The following SPAG9 variants were observed in gnomAD, a reference collection of about 807,000 sequenced individuals.
The protein encoded by SPAG9 is C-Jun-amino-terminal kinase-interacting protein 4.
Under a neutral mutation model 166.5 loss-of-function variants are expected in SPAG9, and 35 were observed. That is an observed-to-expected ratio of 0.21 (90% confidence interval 0.16 to 0.28). SPAG9 has a LOEUF of 0.28. Among genes scored for constraint, SPAG9 ranks in the 10% least tolerant of loss-of-function variants. The probability of loss-of-function intolerance (pLI) is 1.00; values close to 1 mark genes in which losing one functional copy is unlikely to be tolerated. For missense variants in SPAG9, 1,235 were observed against 1,603.3 expected (o/e 0.77, Z 3.92); for synonymous variants, 534 against 565.5 (o/e 0.94, Z 0.79).
rs1451045475 is a variant in SPAG9 at position 50,965,641 on chromosome 17, C to T, written c.*631G>A. On this transcript the variant is annotated 3_prime_UTR_variant, in exon 30 of 30. Coordinates refer to ENST00000262013, the MANE Select transcript of SPAG9 (RefSeq NM_001130528.3). ...GCTCTAATAAGTCAGAAACAGGAAA[C>T]GTTTATTTAAATAGTGTAGTCTTAA... The T allele has an allele frequency of 2.0e-5, 3 of 152,114 alleles. No individual in the cohort carries two copies. The highest frequency in any genetic ancestry group is 4.8e-5 in the African/African-American group (2 of 41,404). 9.4% of individuals were successfully genotyped at this position (152,114 alleles called of 1,614,324 possible).
intron 3 of SPAG9, among the ~76,000 whole-genome samples, chr17:51,055,343 A>ACT (rs961292596): frequency 4.0e-5 from 6 of 151,066 alleles, no homozygotes; most frequent in Non-Finnish European, 8.8e-5. Context: ...ACAGAGCAAG[A>ACT]CTCTCTCTCT....
intron 1 of SPAG9, among the ~76,000 whole-genome samples, chr17:51,114,109 T>C (rs185560124): frequency 0.02 from 3,101 of 152,186 alleles, 52 homozygotes; most frequent in Non-Finnish European, 0.033. Flanking sequence ...GGGGATCACC[T>C]GAGGTCAAGA....
At chr17:50,998,838 G>A (rs1369931286) in intron 14 of SPAG9, among the ~76,000 whole-genome samples, 2 of 152,212 alleles carry the variant, frequency 1.3e-5, no homozygotes, top group Admixed American at 6.5e-5. Context: ...AGAATGGCGG[G>A]TGCCTGTTCT....
chr17:50,986,307 T>C (rs1444027999), intron 22 of SPAG9, among the ~76,000 whole-genome samples: 1 of 152,248 alleles, frequency 6.6e-6, no homozygotes, highest in Non-Finnish European at 1.5e-5. Context: ...CATAATGCTC[T>C]ACTGGAAGAG....
At chr17:50,996,732 G>T (rs575170026) in intron 15 of SPAG9, 38 bp from the exon 16 acceptor site, 11 of 1,596,114 alleles carry the variant, frequency 6.9e-6, no homozygotes, top group Non-Finnish European at 9.4e-6. Flanking sequence ...ACATGAATAC[G>T]TTTAATTACG....
chr17:50,971,458 C>A (rs527726897), intron 28 of SPAG9, among the ~76,000 whole-genome samples: 1 of 140,516 alleles, frequency 7.1e-6, no homozygotes, highest in Non-Finnish European at 1.5e-5. Context: ...CTTCAAACTA[C>A]CTTTTTTTTT....
At chr17:50,993,121 C>G (rs943627279) in intron 19 of SPAG9, among the ~76,000 whole-genome samples, 12 of 145,544 alleles carry the variant, frequency 8.2e-5, no homozygotes, top group Non-Finnish European at 1.8e-4. Context: ...AAAAGACTAG[C>G]CTGACCAACA....
chr17:51,053,789 G>C (rs1332502318), intron 3 of SPAG9, among the ~76,000 whole-genome samples: 2 of 136,922 alleles, frequency 1.5e-5, no homozygotes, highest in Non-Finnish European at 3.1e-5. Flanking sequence ...AGTGCGCTAT[G>C]ACTGCGCCAC....
At chr17:51,058,941 A>G (rs2047430968) in intron 2 of SPAG9, among the ~76,000 whole-genome samples, 1 of 152,228 alleles carries the variant, frequency 6.6e-6, no homozygotes, top group African/African-American at 2.4e-5. Flanking sequence ...GAAAGCCTAT[A>G]TATATGTCCA....
In SPAG9 at chr17:51,049,583, G is replaced by A. The variant is rs142762065; in HGVS notation, c.496-2114C>T. 6.8e-3 allele frequency among the ~76,000 whole-genome samples: 1,040 copies of A among 152,184 alleles called. 14 individuals are homozygous for A. The highest frequency in any genetic ancestry group is 0.023 in the African/African-American group (954 of 41,534). On this transcript the variant is annotated intron_variant, in intron 3 of 29. Coordinates refer to ENST00000262013, the MANE Select transcript of SPAG9 (RefSeq NM_001130528.3). ...AGTACCAGCTACTTGGGAGGCTGAGGTGGGAAGATCGTTTGAGCCAGGGAG... is the reference window on the plus strand; with the variant it reads ...AGTACCAGCTACTTGGGAGGCTGAGATGGGAAGATCGTTTGAGCCAGGGAG...
At chr17:51,030,541 T>A (rs2046344897) in intron 6 of SPAG9, among the ~76,000 whole-genome samples, 1 of 152,216 alleles carries the variant, frequency 6.6e-6, no homozygotes, top group Non-Finnish European at 1.5e-5. Context: ...TCTTTTGATT[T>A]ACAGCTATGT....
intron 5 of SPAG9, among the ~76,000 whole-genome samples, chr17:51,035,367 T>A (rs1024318192): frequency 2.0e-5 from 3 of 152,234 alleles, no homozygotes; most frequent in African/African-American, 7.2e-5. Flanking sequence ...GCAACTTTTC[T>A]GTAAGTCTAA....
chr17:51,088,746 C>T (rs1018281105), intron 1 of SPAG9, among the ~76,000 whole-genome samples: 2 of 150,710 alleles, frequency 1.3e-5, no homozygotes, highest in African/African-American at 2.4e-5. Context: ...TGCAGTGAGC[C>T]GAGATCGTGC....
At chr17:51,046,945 A>G in intron 4 of SPAG9, 2 of 1,443,184 alleles carry the variant, frequency 1.4e-6, no homozygotes, top group Non-Finnish European at 1.8e-6. Flanking sequence ...GGCTTAGCTC[A>G]TTGGCTACAA....
At chr17:51,075,557 G>A (rs1380212260) in intron 2 of SPAG9, among the ~76,000 whole-genome samples, 2 of 152,136 alleles carry the variant, frequency 1.3e-5, no homozygotes, top group Non-Finnish European at 2.9e-5. Flanking sequence ...GAGCGCAGTG[G>A]CTTACACCTG....
chr17:51,050,634 T>C (rs993190712), intron 3 of SPAG9, among the ~76,000 whole-genome samples: 1 of 151,878 alleles, frequency 6.6e-6, no homozygotes, highest in African/African-American at 2.4e-5. Context: ...TAAAATGATA[T>C]GCACTATAGT....
At chr17:50,993,702 A>C (rs1975813248) in intron 19 of SPAG9, 62 bp downstream of exon 19, 8 of 1,531,224 alleles carry the variant, frequency 5.2e-6, no homozygotes, top group Non-Finnish European at 6.3e-6. Context: ...CAGCTGCTAC[A>C]TCAGTGCCCA....
chr17:51,030,456 C>T (rs1242154418), intron 6 of SPAG9, among the ~76,000 whole-genome samples: 1 of 152,166 alleles, frequency 6.6e-6, no homozygotes. Context: ...TCACTATTAA[C>T]ACAAATATAC....
At chr17:51,033,716 C>G (rs1157933488) in intron 5 of SPAG9, among the ~76,000 whole-genome samples, 2 of 152,184 alleles carry the variant, frequency 1.3e-5, no homozygotes, top group African/African-American at 2.4e-5. Flanking sequence ...ATTTGGACCT[C>G]TGAGCACCTT....
Sources: allele counts gnomAD v4.1 joint callset (sites outside exome capture counted in the v4.1 genomes callset), GRCh38; gene constraint gnomAD v4.1.1; transcripts MANE v1.5; gene names NCBI Gene and HGNC (gene_info 2026-07-23, HGNC 2026-07-21).